Variants in CEP85L observed in about 807,000 individuals in gnomAD.
CEP85L encodes centrosomal protein of 85 kDa-like.
CEP85L carries 60 observed loss-of-function variants against 100.3 expected under a neutral mutation model. The ratio of observed to expected loss-of-function variants is 0.60; its 90% confidence interval spans 0.49 to 0.74. The LOEUF is 0.74. Among genes scored for constraint, CEP85L ranks in the 30% least tolerant of loss-of-function variants. CEP85L has a pLI of 0.00. For missense variants in CEP85L, 973 were observed against 936.2 expected (o/e 1.04, Z -0.51); for synonymous variants, 319 against 322.7 (o/e 0.99, Z 0.12).
chr6:118,571,484 CA>C (rs1308351083), intron 2 of CEP85L, among the ~76,000 whole-genome samples: 1 of 152,206 alleles, frequency 6.6e-6, no homozygotes, highest in African/African-American at 2.4e-5. Context: ...GCATATTTCT[CA>C]ATTCCAAACA....
chr6:118,554,453 A>T (rs1778734023), intron 3 of CEP85L, among the ~76,000 whole-genome samples: 1 of 152,168 alleles, frequency 6.6e-6, no homozygotes, highest in Non-Finnish European at 1.5e-5. Flanking sequence ...TGCCCACAGC[A>T]TTATTTTTAA....
chr6:118,619,094 G>A (rs1773268139), intron 2 of CEP85L, among the ~76,000 whole-genome samples: 1 of 151,604 alleles, frequency 6.6e-6, no homozygotes. Flanking sequence ...CTTGGGGGAT[G>A]CCCTAAGGGG....
At chr6:118,602,643 G>A (rs1364595002) in intron 2 of CEP85L, among the ~76,000 whole-genome samples, 2 of 152,156 alleles carry the variant, frequency 1.3e-5, no homozygotes, top group Non-Finnish European at 2.9e-5. Context: ...TTGAAACATA[G>A]TATTTCCCTC....
At chr6:118,604,370 C>T (rs1038605501) in intron 2 of CEP85L, among the ~76,000 whole-genome samples, 5 of 152,192 alleles carry the variant, frequency 3.3e-5, no homozygotes, top group Non-Finnish European at 5.9e-5. Flanking sequence ...TATGTTCACA[C>T]ACAGAATCTC....
intron 3 of CEP85L, among the ~76,000 whole-genome samples, chr6:118,533,748 T>C (rs926820494): frequency 1.3e-5 from 2 of 152,182 alleles, no homozygotes; most frequent in African/African-American, 4.8e-5. Context: ...TATACATAGA[T>C]AATACGTTTG....
At chr6:118,681,045 G>A (rs1161973017) in intron 1 of CEP85L, among the ~76,000 whole-genome samples, 1 of 152,214 alleles carries the variant, frequency 6.6e-6, no homozygotes, top group African/African-American at 2.4e-5. Flanking sequence ...TTTGAGAAAT[G>A]AATACTGGGT....
chr6:118,531,601 G>C (rs1777297012), intron 3 of CEP85L, among the ~76,000 whole-genome samples: 1 of 152,136 alleles, frequency 6.6e-6, no homozygotes, highest in Admixed American at 6.5e-5. Context: ...GAAGATATTT[G>C]CAAACTATGC....
At position 118,497,698 on chromosome 6, in the gene CEP85L, G is replaced by A. The variant is rs1007952572; in HGVS notation, c.1258-5833C>T. Among the ~76,000 whole-genome samples the A allele has an allele frequency of 1.1e-4, 16 of 152,044 alleles. 1 individual carries two copies. The highest frequency in any genetic ancestry group is 1.5e-5 in the Non-Finnish European group (1 of 68,018). On this transcript the variant is annotated intron_variant, in intron 5 of 12. Transcript: ENST00000368491. ...AAGACTTCCACAGACAAAAATTGAAGGATTTTTGTGGCCAGTATATCTGCT... is the reference window on the plus strand; with the variant it reads ...AAGACTTCCACAGACAAAAATTGAAAGATTTTTGTGGCCAGTATATCTGCT...
intron 2 of CEP85L, among the ~76,000 whole-genome samples, chr6:118,630,266 G>C (rs1320184648): frequency 1.3e-5 from 2 of 152,116 alleles, no homozygotes; most frequent in Non-Finnish European, 2.9e-5. Flanking sequence ...CCAATCATCA[G>C]CATAAGTTCT....
intron 2 of CEP85L, among the ~76,000 whole-genome samples, chr6:118,619,706 A>G (rs1773316092): frequency 6.6e-6 from 1 of 152,244 alleles, no homozygotes; most frequent in Non-Finnish European, 1.5e-5. Context: ...ATAAAGGCAG[A>G]TACAGGGAAA....
intron 3 of CEP85L, among the ~76,000 whole-genome samples, chr6:118,543,006 G>T (rs961740666): frequency 6.6e-6 from 1 of 150,558 alleles, no homozygotes; most frequent in African/African-American, 2.4e-5. Context: ...ACCTTATAAG[G>T]AAAGTAACTT....
At chr6:118,534,689 A>C (rs924386871) in intron 3 of CEP85L, among the ~76,000 whole-genome samples, 5 of 152,150 alleles carry the variant, frequency 3.3e-5, no homozygotes, top group African/African-American at 1.2e-4. Flanking sequence ...CAAAGGGGAA[A>C]GGTAATTAAA....
intron 3 of CEP85L, among the ~76,000 whole-genome samples, chr6:118,525,163 AT>A (rs1255497655): frequency 1.3e-5 from 2 of 152,246 alleles, no homozygotes. Flanking sequence ...TGGAAAATAT[AT>A]AACCATCTAC....
At chr6:118,498,646 A>AAGGGAGGAAAGGG (rs1775081019) in intron 5 of CEP85L, among the ~76,000 whole-genome samples, 1 of 146,626 alleles carries the variant, frequency 6.8e-6, no homozygotes, top group Admixed American at 6.8e-5. Flanking sequence ...AAAGGGAGGA[A>AAGGGAGGAAAGGG]AGGGAGGAAA....
In CEP85L at chr6:118,584,413, C is replaced by T. The variant is rs571984007; in HGVS notation, c.233-18097G>A. The stretch of plus-strand genomic sequence containing the variant: ...TACAGGATTTTGTAGACTATGGATA[C>T]CTGGGTATGGTGAAATAGGCTGTCC... On this transcript the variant is annotated intron_variant, in intron 2 of 12. Coordinates refer to ENST00000368491, the MANE Select transcript of CEP85L (RefSeq NM_001042475.3). Among the ~76,000 whole-genome samples, 5 of 152,230 alleles carry T rather than the reference C, an allele frequency of 3.3e-5. No individual in the cohort carries two copies. The South Asian group carries it at 1.0e-3, about 32-fold the overall frequency.
At chr6:118,553,149 C>G (rs1288605247) in intron 3 of CEP85L, among the ~76,000 whole-genome samples, 1 of 149,892 alleles carries the variant, frequency 6.7e-6, no homozygotes, top group East Asian at 2.0e-4. Context: ...GAAAATAAAA[C>G]TAAACTATTT....
chr6:118,697,689 T>C (rs1440661974), intron 1 of CEP85L, among the ~76,000 whole-genome samples: 3 of 152,314 alleles, frequency 2.0e-5, no homozygotes, highest in Non-Finnish European at 4.4e-5. Context: ...TGAGGATGAA[T>C]GCCAGGAAGA....
chr6:118,597,616 TA>T (rs1428831271), intron 2 of CEP85L, among the ~76,000 whole-genome samples: 2 of 152,236 alleles, frequency 1.3e-5, no homozygotes, highest in Non-Finnish European at 2.9e-5. Flanking sequence ...TACTGCTAAC[TA>T]AATTAGTTTT....
intron 3 of CEP85L, among the ~76,000 whole-genome samples, chr6:118,564,830 T>C (rs776305627): frequency 1.3e-5 from 2 of 152,138 alleles, no homozygotes; most frequent in Non-Finnish European, 2.9e-5. Context: ...TAAAACAAGC[T>C]ACAGAAAATT....
Sources: gnomAD v4.1 joint callset for allele counts (sites outside exome capture counted in the v4.1 genomes callset) on GRCh38, gnomAD v4.1.1 for gene constraint, MANE v1.5 for transcripts, NCBI Gene and HGNC (gene_info 2026-07-23, HGNC 2026-07-21) for gene names.